Variants in PLPPR5 observed in about 807,000 individuals in gnomAD.
PLPPR5 encodes the protein phospholipid phosphatase-related protein type 5.
In PLPPR5, 16 loss-of-function variants were observed where a neutral mutation model predicts 33.9. That is an observed-to-expected ratio of 0.47 (90% CI 0.32 to 0.72). PLPPR5 has a LOEUF of 0.72. Ranked by LOEUF, PLPPR5 falls within the 30% of genes least tolerant of loss-of-function variation. PLPPR5 has a pLI of 0.03. For synonymous variants in PLPPR5, 163 were observed against 150.3 expected (o/e 1.08, Z -0.62); for missense variants, 301 against 406.7 (o/e 0.74, Z 2.23).
intron 1 of PLPPR5, among the ~76,000 whole-genome samples, chr1:98,974,478 A>G (rs986482559): frequency 1.3e-5 from 2 of 152,072 alleles, no homozygotes; most frequent in African/African-American, 4.8e-5. Flanking sequence ...TAAATGATGA[A>G]ATCAATTAGG....
intron 1 of PLPPR5, among the ~76,000 whole-genome samples, chr1:99,004,093 G>A (rs1157795297): frequency 1.3e-5 from 2 of 152,160 alleles, no homozygotes; most frequent in Non-Finnish European, 2.9e-5. Flanking sequence ...CAAGGCCACA[G>A]AGTGGATGGA....
chr1:98,902,438 T>G (rs1159065976), intron 5 of PLPPR5, among the ~76,000 whole-genome samples: 10 of 152,258 alleles, frequency 6.6e-5, no homozygotes, highest in Admixed American at 3.3e-4. Context: ...CTTATTCAGA[T>G]TTTCAGATCA....
rs755690184 is a variant in PLPPR5, at chr1:98,911,753, C to CT, written c.933+3032dup. Among the ~76,000 whole-genome samples the CT allele has an allele frequency of 2.8e-3, 410 of 144,992 alleles. 2 individuals are homozygous for CT. Among genetic ancestry groups the CT allele is most frequent in the African/African-American group, 7.6e-3 (303 of 39,742 alleles). On this transcript the variant is annotated intron_variant, in intron 5 of 5. Transcript: ENST00000263177. ...AGATCTCTTCCTATATTTCACAACC[C>CT]TTTTTTTTTTTAGAGATGGGGTCAG...
chr1:98,935,850 T>C (rs1404741858), intron 3 of PLPPR5, among the ~76,000 whole-genome samples: 4 of 152,160 alleles, frequency 2.6e-5, no homozygotes, highest in South Asian at 4.1e-4. Context: ...CAAAGAACCA[T>C]GCTGGAAATC....
chr1:98,928,489 A>C (rs1649844133), intron 3 of PLPPR5, among the ~76,000 whole-genome samples: 1 of 145,276 alleles, frequency 6.9e-6, no homozygotes, highest in Admixed American at 7.2e-5. Context: ...GGTTAAACAA[A>C]ATATTAAATA....
upstream of PLPPR5, chr1:99,005,127 C>G (rs1305945649): frequency 6.6e-6 from 1 of 151,294 alleles, no homozygotes; most frequent in Non-Finnish European, 1.5e-5. Context: ...ACAGGGCGGA[C>G]GCTGTGGGGC....
chr1:98,904,051 T>C (rs1648803274), intron 5 of PLPPR5, among the ~76,000 whole-genome samples: 1 of 152,186 alleles, frequency 6.6e-6, no homozygotes, highest in Non-Finnish European at 1.5e-5. Flanking sequence ...TTAAACATGG[T>C]AATTTTCATC....
intron 1 of PLPPR5, among the ~76,000 whole-genome samples, chr1:98,998,456 T>C (rs936705270): frequency 1.3e-5 from 2 of 152,082 alleles, no homozygotes; most frequent in Non-Finnish European, 2.9e-5. Flanking sequence ...CTCTACAACA[T>C]TTCCAAGCTT....
intron 5 of PLPPR5, among the ~76,000 whole-genome samples, chr1:98,913,807 T>G (rs1028821606): frequency 1.3e-5 from 2 of 152,180 alleles, no homozygotes; most frequent in Admixed American, 1.3e-4. Context: ...TTTAACTAGT[T>G]ACAAATGCAC....
intron 1 of PLPPR5, among the ~76,000 whole-genome samples, chr1:99,003,010 G>T (rs1198714358): frequency 1.4e-5 from 2 of 138,092 alleles, no homozygotes; most frequent in Non-Finnish European, 3.1e-5. Context: ...ACACAAACAT[G>T]AAGGCTGGAT....
intron 1 of PLPPR5, among the ~76,000 whole-genome samples, chr1:98,957,641 CCTTTGA>C (rs547654274): frequency 8.9e-4 from 136 of 152,188 alleles, no homozygotes; most frequent in African/African-American, 3.1e-3. Context: ...AATCTGCACA[CCTTTGA>C]CTTTGAGAGC....
intron 1 of PLPPR5, chr1:98,990,835 A>G (rs1053999739): frequency 6.6e-6 from 1 of 152,160 alleles, no homozygotes; most frequent in Non-Finnish European, 1.5e-5. Flanking sequence ...AGTCTTAAAG[A>G]AACAAGAGTG....
rs900156255 is a variant in PLPPR5, at chr1:98,956,626, C to T, written c.353G>A (p.Arg118Gln). The change falls in exon 2 of 6, where the codon CGA becomes CAA. Residue 118 changes from arginine (R) to glutamine (Q), a missense_variant. Transcript: ENST00000263177. ...ACACATACCAAGAAATCGGACAGTT[C>T]GGCGCACCAGCGGGTTTATATAGCA... ...DCCYINPLVR[R>Q]TVRFLGIYTF... 13 of 1,586,616 alleles carry T rather than the reference C, an allele frequency of 8.2e-6. No individual in the cohort carries two copies. The highest frequency in any genetic ancestry group is 2.3e-5 in the East Asian group (1 of 43,624).
chr1:98,977,367 C>A (rs1199423095), intron 1 of PLPPR5, among the ~76,000 whole-genome samples: 1 of 151,770 alleles, frequency 6.6e-6, no homozygotes, highest in Non-Finnish European at 1.5e-5. Context: ...TCTGTAATAA[C>A]TAAAACAAAC....
At chr1:98,958,944 A>G (rs2101224020) in intron 1 of PLPPR5, among the ~76,000 whole-genome samples, 1 of 152,214 alleles carries the variant, frequency 6.6e-6, no homozygotes, top group South Asian at 2.1e-4. Context: ...GCAGGCCCCA[A>G]CCCATGGTAC....
intron 3 of PLPPR5, among the ~76,000 whole-genome samples, chr1:98,929,715 T>C (rs936456115): frequency 1.3e-5 from 2 of 152,224 alleles, no homozygotes; most frequent in Non-Finnish European, 2.9e-5. Context: ...CCATGGCTGA[T>C]ATTACATGGA....
At chr1:98,967,772 C>T (rs924512755) in intron 1 of PLPPR5, among the ~76,000 whole-genome samples, 5 of 152,032 alleles carry the variant, frequency 3.3e-5, no homozygotes, top group African/African-American at 1.2e-4. Flanking sequence ...GGGGCTGGCA[C>T]AGAGTAAGCA....
intron 3 of PLPPR5, among the ~76,000 whole-genome samples, chr1:98,939,144 AT>A (rs1242694633): frequency 6.6e-6 from 1 of 151,670 alleles, no homozygotes; most frequent in Non-Finnish European, 1.5e-5. Context: ...AAAATTAAAT[AT>A]ATATTAAATT....
intron 1 of PLPPR5, among the ~76,000 whole-genome samples, chr1:99,001,138 T>C (rs1419294791): frequency 3.7e-4 from 55 of 150,148 alleles, no homozygotes; most frequent in Admixed American, 2.1e-3. Flanking sequence ...CAACTCTTTT[T>C]TTTTTTTTTT....
Sources: gnomAD v4.1 joint callset for allele counts (sites outside exome capture counted in the v4.1 genomes callset) on GRCh38, gnomAD v4.1.1 for gene constraint, MANE v1.5 for transcripts, NCBI Gene and HGNC (gene_info 2026-07-23, HGNC 2026-07-21) for gene names.